The following NMNAT2 variants were observed in gnomAD, a reference collection of about 807,000 sequenced individuals.
The protein encoded by NMNAT2 is nicotinamide nucleotide adenylyltransferase 2, also known as nicotinamide/nicotinic acid mononucleotide adenylyltransferase 2.
A neutral mutation model predicts 41.6 loss-of-function variants in NMNAT2; 11 were observed. The observed-to-expected ratio is 0.26, with a 90% CI of 0.17 to 0.44. The LOEUF (loss-of-function observed/expected upper bound fraction) is 0.44, where lower values mean the gene tolerates loss of function less well. Ranked by LOEUF, NMNAT2 falls within the 20% of genes least tolerant of loss-of-function variation. The pLI is 1.00. For synonymous variants in NMNAT2, 148 were observed against 151.2 expected (o/e 0.98, Z 0.16); for missense variants, 288 against 407.7 (o/e 0.71, Z 2.53).
In NMNAT2 at chr1:183,316,509, C is replaced by T. The variant is rs540152145; in HGVS notation, c.86-22716G>A. Among the ~76,000 whole-genome samples, 351 of 152,270 alleles carry T rather than the reference C, an allele frequency of 2.3e-3. 2 individuals carry two copies. The highest frequency in any genetic ancestry group is 0.021 in the South Asian group (100 of 4,814). ...TGTGGAGATCAGATGCTGAGTCAAA[C>T]GGCAGCCCTGGATTTCTTCCTGGGC... On this transcript the variant is annotated intron_variant, in intron 1 of 10. Coordinates refer to ENST00000287713, the MANE Select transcript of NMNAT2 (RefSeq NM_015039.4).
chr1:183,399,720 A>G (rs1557900411), intron 1 of NMNAT2, among the ~76,000 whole-genome samples: 1 of 152,236 alleles, frequency 6.6e-6, no homozygotes, highest in Non-Finnish European at 1.5e-5. Flanking sequence ...CACCATGATC[A>G]AGTTGGCTTC....
At chr1:183,350,088 A>G (rs1355359492) in intron 1 of NMNAT2, among the ~76,000 whole-genome samples, 2 of 152,238 alleles carry the variant, frequency 1.3e-5, no homozygotes, top group East Asian at 3.8e-4. Flanking sequence ...CATTGTGCAA[A>G]CACTGAGCAT....
intron 1 of NMNAT2, among the ~76,000 whole-genome samples, chr1:183,324,599 G>C (rs568333176): frequency 1.1e-4 from 17 of 152,226 alleles, no homozygotes; most frequent in Admixed American, 1.0e-3. Context: ...GGCTTTCTTT[G>C]AGTTCCTCTG....
chr1:183,368,348 G>A (rs1663457519), intron 1 of NMNAT2, among the ~76,000 whole-genome samples: 1 of 152,132 alleles, frequency 6.6e-6, no homozygotes, highest in African/African-American at 2.4e-5. Flanking sequence ...GGACTACAGA[G>A]GGTTCCTGGA....
chr1:183,418,073 C>T, intron 1 of NMNAT2, 110 bp downstream of exon 1: 4 of 1,007,632 alleles, frequency 4.0e-6, no homozygotes, highest in Non-Finnish European at 6.1e-6. Flanking sequence ...TGAGCCGGCC[C>T]ACCCCTCCGA....
chr1:183,374,833 G>A (rs1028533433), intron 1 of NMNAT2, among the ~76,000 whole-genome samples: 2 of 152,160 alleles, frequency 1.3e-5, no homozygotes, highest in African/African-American at 4.8e-5. Flanking sequence ...GCCACACTGA[G>A]TGTCACTTCC....
chr1:183,386,151 C>A (rs1041776908), intron 1 of NMNAT2, among the ~76,000 whole-genome samples: 1 of 151,742 alleles, frequency 6.6e-6, no homozygotes, highest in African/African-American at 2.4e-5. Context: ...ATTTTGTTAC[C>A]GGAAGGACTA....
rs12061440 is a variant in NMNAT2, at chr1:183,267,614, G to C, written c.652-6311C>G. 3.0e-3 allele frequency among the ~76,000 whole-genome samples: 460 copies of C among 152,164 alleles called. 4 individuals carry two copies. The highest frequency in any genetic ancestry group is 0.01 in the African/African-American group (424 of 41,480). ...ACATTCCCCCTGTGCCCTGGGGAGT[G>C]GGGGGGTGTAAGGGCAGACATCTGA... On this transcript the variant is annotated intron_variant, in intron 8 of 10. Transcript: ENST00000287713.
In NMNAT2 at chr1:183,290,226, G is replaced by A. The variant is rs1187165631; in HGVS notation, c.243-20C>T. 7.2e-6 allele frequency: 11 copies of A among 1,536,320 alleles called. No homozygotes were observed. In the African/African-American group the frequency reaches 8.2e-5, roughly 11 times the overall value. On this transcript the variant is annotated intron_variant, in intron 3 of 10. Coordinates refer to ENST00000287713, the MANE Select transcript of NMNAT2 (RefSeq NM_015039.4). ...TCCACCCTAACATCATCGGAAAGAA[G>A]TTTCCCTTGGTTTCTGTTCTCATAT...
chr1:183,280,588 A>G (rs1356450357), intron 7 of NMNAT2, among the ~76,000 whole-genome samples: 3 of 151,498 alleles, frequency 2.0e-5, no homozygotes, highest in Non-Finnish European at 4.4e-5. Context: ...GGGTTTCACC[A>G]TGTTGGCCAG....
At chr1:183,413,152 T>C (rs915441765) in intron 1 of NMNAT2, among the ~76,000 whole-genome samples, 1 of 152,176 alleles carries the variant, frequency 6.6e-6, no homozygotes, top group African/African-American at 2.4e-5. Context: ...ATTAGGATGA[T>C]AATGGGGAAG....
At chr1:183,341,907 G>A (rs919856315) in intron 1 of NMNAT2, among the ~76,000 whole-genome samples, 10 of 151,684 alleles carry the variant, frequency 6.6e-5, no homozygotes, top group African/African-American at 2.4e-4. Context: ...CATTCTTTCC[G>A]ATGATTTGCC....
At chr1:183,325,653 A>G (rs1306732674) in intron 1 of NMNAT2, among the ~76,000 whole-genome samples, 2 of 152,202 alleles carry the variant, frequency 1.3e-5, no homozygotes, top group African/African-American at 4.8e-5. Flanking sequence ...AACATTTCAC[A>G]TGTAGCAAAC....
intron 6 of NMNAT2, among the ~76,000 whole-genome samples, chr1:183,284,406 A>G (rs887249663): frequency 1.3e-5 from 2 of 152,256 alleles, no homozygotes; most frequent in African/African-American, 4.8e-5. Flanking sequence ...CTGGGCCACA[A>G]GAGGTGGCTG....
At chr1:183,316,372 G>C (rs1285995791) in intron 1 of NMNAT2, among the ~76,000 whole-genome samples, 1 of 152,188 alleles carries the variant, frequency 6.6e-6, no homozygotes, top group Non-Finnish European at 1.5e-5. Context: ...GAGCTAAGAG[G>C]AGAGGGCTGG....
At chr1:183,325,638 A>G (rs1308885196) in intron 1 of NMNAT2, among the ~76,000 whole-genome samples, 1 of 152,240 alleles carries the variant, frequency 6.6e-6, no homozygotes, top group Non-Finnish European at 1.5e-5. Context: ...TCATTTCCTC[A>G]GTGGAACATT....
intron 10 of NMNAT2, among the ~76,000 whole-genome samples, chr1:183,258,703 T>C (rs1485707129): frequency 1.3e-5 from 2 of 152,018 alleles, no homozygotes; most frequent in Non-Finnish European, 2.9e-5. Context: ...CTAAGATCAG[T>C]GTTTGCAATA....
At chr1:183,286,924 G>A in intron 4 of NMNAT2, 136 bp from the exon 5 acceptor site, 1 of 791,322 alleles carries the variant, frequency 1.3e-6, no homozygotes, top group Non-Finnish European at 1.9e-6. Context: ...ATGGGTTCTA[G>A]ACCCAGCTGC....
chr1:183,403,090 C>T (rs375283902), intron 1 of NMNAT2, among the ~76,000 whole-genome samples: 2 of 151,950 alleles, frequency 1.3e-5, no homozygotes, highest in African/African-American at 2.4e-5. Context: ...CCTGCCATCA[C>T]GTCCAGCTAA....
Sources: gnomAD v4.1 joint callset for allele counts (sites outside exome capture counted in the v4.1 genomes callset) on GRCh38, gnomAD v4.1.1 for gene constraint, MANE v1.5 for transcripts, NCBI Gene and HGNC (gene_info 2026-07-23, HGNC 2026-07-21) for gene names.